Variants in SAFB2 observed in about 807,000 individuals in gnomAD.
The protein encoded by SAFB2 is scaffold attachment factor B2.
In SAFB2, 32 loss-of-function variants were observed where a neutral mutation model predicts 100.6. That is an observed-to-expected ratio of 0.32 (90% confidence interval 0.24 to 0.43). SAFB2 has a LOEUF of 0.43. Among genes scored for constraint, SAFB2 ranks in the 20% least tolerant of loss-of-function variants. The pLI, the probability that SAFB2 is intolerant of heterozygous loss-of-function variation, is 1.00. For missense variants in SAFB2, 1,185 were observed against 1,163.4 expected (o/e 1.02, Z -0.27); for synonymous variants, 500 against 439.4 (o/e 1.14, Z -1.72).
chr19:5,604,722 T>A (rs201342825), intron 10 of SAFB2, 27 bp from the exon 11 acceptor site: 16 of 1,614,044 alleles, frequency 9.9e-6, no homozygotes, highest in South Asian at 5.5e-5. Context: ...AGAAATGATG[T>A]GTGGCCCAGA....
intron 6 of SAFB2, chr19:5,612,229 G>C (rs2052923472): frequency 2.1e-5 from 9 of 436,882 alleles, no homozygotes; most frequent in Non-Finnish European, 3.7e-5. Flanking sequence ...AATATCACAA[G>C]ATCTGTTTCA....
chr19:5,615,793 G>T (rs1959133505), intron 4 of SAFB2, among the ~76,000 whole-genome samples: 1 of 152,254 alleles, frequency 6.6e-6, no homozygotes, highest in Non-Finnish European at 1.5e-5. Context: ...AGCCCAGGTA[G>T]TCAGGAGGAT....
rs1376639485 is a variant in SAFB2 at position 5,611,169 on chromosome 19, G to A, written c.1096C>T (p.Pro366Ser). ...FDFDACNEVP[P>S]APKESSTSEG... ...CTGGTTGAGGACTCTTTAGGAGCCG[G>A]AGGGACTTCATTACAAGCGTCAAAA... The change falls in exon 7 of 21, where the codon CCG becomes TCG. Residue 366 changes from proline to serine, a missense_variant. Around this residue, in one of 3 missense-constraint regions of SAFB2, gnomAD observed 351 missense variants for 341.2 expected, o/e 1.03. Coordinates refer to ENST00000252542, the MANE Select transcript of SAFB2 (RefSeq NM_014649.3). The A allele has an allele frequency of 4.1e-6, 2 of 483,932 alleles. No homozygotes were observed. The highest frequency in any genetic ancestry group is 5.1e-5 in the South Asian group (2 of 38,940). The allele number at this position is 483,932 out of a possible 1,614,324, so 30.0% of individuals were successfully genotyped here. A position where few individuals can be genotyped will look rare whatever the true frequency, so the allele number is the denominator to read the frequency against.
chr19:5,587,835 C>A lies in SAFB2; in HGVS notation c.2638+33G>T. ...AGCCCCTGGACACATGTGGGGGCCACAGCCACCCTCGTCCCTGGAGCCAGC... is the reference window on the plus strand; with the variant it reads ...AGCCCCTGGACACATGTGGGGGCCAAAGCCACCCTCGTCCCTGGAGCCAGC... On this transcript the variant is annotated intron_variant, in intron 19 of 20. Coordinates refer to ENST00000252542, the MANE Select transcript of SAFB2 (RefSeq NM_014649.3). This position sits in a 1 kb window ranked among gnomAD's most constrained non-coding sequence, Gnocchi z 4.9. The A allele has an allele frequency of 1.9e-6, 3 of 1,586,394 alleles. No individual in the cohort carries two copies. In the South Asian group the frequency reaches 3.4e-5, roughly 18 times the overall value.
intron 2 of SAFB2, among the ~76,000 whole-genome samples, chr19:5,621,004 T>C (rs1477243601): frequency 2.0e-5 from 3 of 152,198 alleles, no homozygotes; most frequent in African/African-American, 7.2e-5. Flanking sequence ...GTACATTTGG[T>C]TCCTCAGACC....
At position 5,613,483 on chromosome 19, in the gene SAFB2, C is replaced by A; in HGVS notation, c.588G>T (p.Leu196Phe). The change falls in exon 5 of 21, where the codon TTG becomes TTT. Residue 196 changes from leucine to phenylalanine, a missense_variant. Coordinates refer to ENST00000252542, the MANE Select transcript of SAFB2 (RefSeq NM_014649.3). ...GFKNTLETSSLNFKVTPDIEE... is the reference protein window; with the variant it reads ...GFKNTLETSSFNFKVTPDIEE... ...AACTTACCGGAGTTACTTTGAAGTTCAACGATGAAGTTTCCAAAGTGTTCT... is the reference window on the plus strand; with the variant it reads ...AACTTACCGGAGTTACTTTGAAGTTAAACGATGAAGTTTCCAAAGTGTTCT... The A allele has an allele frequency of 6.2e-7, 1 of 1,613,778 alleles. No individual in the cohort carries two copies. Among genetic ancestry groups the A allele is most frequent in the Non-Finnish European group, 8.5e-7 (1 of 1,179,824 alleles).
intron 11 of SAFB2, among the ~76,000 whole-genome samples, chr19:5,603,240 C>T (rs2145336689): frequency 6.6e-6 from 1 of 152,262 alleles, no homozygotes; most frequent in South Asian, 2.1e-4. Flanking sequence ...TGCACTCCAG[C>T]CTGGGTGACC....
chr19:5,593,930 T>A lies in SAFB2; in HGVS notation c.2168A>T (p.Gln723Leu), dbSNP rs2052474654. The A allele has an allele frequency of 1.9e-6, 3 of 1,547,250 alleles. No homozygotes were observed. Among genetic ancestry groups the A allele is most frequent in the Middle Eastern group, 1.8e-4 (1 of 5,466 alleles). Residue 723 changes from glutamine to leucine, a missense_variant, in exon 15 of 21, where the codon CAG becomes CTG. By Grantham distance (113) the Gln-to-Leu change is moderately radical. Coordinates refer to ENST00000252542, the MANE Select transcript of SAFB2 (RefSeq NM_014649.3). ...RRQQEQLRYE[Q>L]ERRPGRRPYD... ...GGGCCTCCGCCCGGGCCGCCGCTCC[T>A]GCTCGTAACGCAGCTGCTCCTGCTG...
intron 13 of SAFB2, among the ~76,000 whole-genome samples, chr19:5,595,824 C>T (rs2052525113): frequency 6.6e-6 from 1 of 152,244 alleles, no homozygotes; most frequent in African/African-American, 2.4e-5. Flanking sequence ...CTAGGCCTCT[C>T]AGAGCCACGG....
chr19:5,609,051 CAAAAAAAAAAAAAA>C lies in SAFB2; in HGVS notation c.1296+930_1296+943del, dbSNP rs60419324. 4.1e-5 allele frequency among the ~76,000 whole-genome samples: 3 copies of C among 72,686 alleles called. No individual in the cohort carries two copies. In the South Asian group the frequency reaches 1.7e-3, roughly 41 times the overall value. 47.7% of individuals were successfully genotyped at this position (72,686 alleles called of 152,430 possible). ...TGGGCAACAGAGCGAGACGCAGTCT[CAAAAAAAAAAAAAA>C]AAAAAAAAAGAACAACAAACAAACA... On this transcript the variant is annotated intron_variant, in intron 9 of 20. Coordinates refer to ENST00000252542, the MANE Select transcript of SAFB2 (RefSeq NM_014649.3).
intron 11 of SAFB2, among the ~76,000 whole-genome samples, 180 bp from the exon 12 acceptor site, chr19:5,600,440 G>C (rs888314748): frequency 3.9e-5 from 6 of 152,168 alleles, no homozygotes; most frequent in Admixed American, 1.3e-4. Flanking sequence ...TTTAGATACA[G>C]GCTGTATTCC....
intron 2 of SAFB2, among the ~76,000 whole-genome samples, chr19:5,617,711 G>A (rs1378861264): frequency 6.6e-6 from 1 of 152,112 alleles, no homozygotes; most frequent in African/African-American, 2.4e-5. Flanking sequence ...CAATGCACAG[G>A]ATACTCCCCA....
intron 2 of SAFB2, among the ~76,000 whole-genome samples, chr19:5,617,416 A>G (rs989149876): frequency 1.3e-5 from 2 of 152,218 alleles, no homozygotes; most frequent in African/African-American, 4.8e-5. Context: ...GGAAACCTTG[A>G]GAAGAAACTT....
At chr19:5,600,070 C>T in intron 12 of SAFB2, 60 bp downstream of exon 12, 4 of 1,558,766 alleles carry the variant, frequency 2.6e-6, no homozygotes, top group Non-Finnish European at 3.5e-6. Context: ...CCCTCGGAAC[C>T]CCCACTCCCC....
rs183472241 is a variant in SAFB2 at position 5,618,444 on chromosome 19, T to C, written c.275-1958A>G. Among the ~76,000 whole-genome samples, 18 of 152,348 alleles carry C rather than the reference T, an allele frequency of 1.2e-4. 1 individual carries two copies. Among genetic ancestry groups the C allele is most frequent in the Admixed American group, 1.1e-3 (17 of 15,306 alleles). On this transcript the variant is annotated intron_variant, in intron 2 of 20. Coordinates refer to ENST00000252542, the MANE Select transcript of SAFB2 (RefSeq NM_014649.3). ...TCTCACTCACCACTATTATCAATAATCACTCAAGAAATGCAGTTTAATTGC... is the reference window on the plus strand; with the variant it reads ...TCTCACTCACCACTATTATCAATAACCACTCAAGAAATGCAGTTTAATTGC...
intron 8 of SAFB2, 158 bp downstream of exon 8, chr19:5,610,481 A>G: frequency 1.5e-6 from 1 of 649,786 alleles, no homozygotes; most frequent in Non-Finnish European, 2.7e-6. Flanking sequence ...GTGCTTGCGA[A>G]CTTCTAAAAC....
At chr19:5,605,758 A>G (rs1436134837) in intron 9 of SAFB2, among the ~76,000 whole-genome samples, 1 of 152,234 alleles carries the variant, frequency 6.6e-6, no homozygotes, top group African/African-American at 2.4e-5. Context: ...CAGTTTTCAG[A>G]TCCTGGACAT....
intron 11 of SAFB2, among the ~76,000 whole-genome samples, chr19:5,600,909 G>A (rs139577100): frequency 8.5e-5 from 13 of 152,280 alleles, no homozygotes; most frequent in East Asian, 3.9e-4. Flanking sequence ...CAGCTGCTGC[G>A]TTCCCTAATG....
chr19:5,595,766 GTTC>G (rs2052524250), intron 13 of SAFB2, among the ~76,000 whole-genome samples: 1 of 152,244 alleles, frequency 6.6e-6, no homozygotes, highest in African/African-American at 2.4e-5. Flanking sequence ...TACAGGCACA[GTTC>G]TTCTAGCATA....
Sources: allele counts gnomAD v4.1 joint callset (sites outside exome capture counted in the v4.1 genomes callset), GRCh38; gene constraint gnomAD v4.1.1; regional missense constraint gnomAD v4.1.1; non-coding constraint Gnocchi (gnomAD v3.1); transcripts MANE v1.5; gene names NCBI Gene and HGNC (gene_info 2026-07-23, HGNC 2026-07-21).